WDR17: variants seen among roughly 807,000 people sequenced by gnomAD.
WDR17 encodes the protein WD repeat-containing protein 17.
In WDR17, 143 loss-of-function variants were observed where a neutral mutation model predicts 161.7. The observed-to-expected ratio is 0.88, with a 90% CI of 0.77 to 1.02. The LOEUF (loss-of-function observed/expected upper bound fraction) is 1.02. Ranked by LOEUF, WDR17 falls within the 50% of genes least tolerant of loss-of-function variation. The pLI, the probability that WDR17 is intolerant of heterozygous loss-of-function variation, is 0.00. For synonymous variants in WDR17, 517 were observed against 515.6 expected (o/e 1.00, Z -0.04); for missense variants, 1,469 against 1,520.9 (o/e 0.97, Z 0.57).
chr4:176,137,415 C>T, intron 8 of WDR17, 105 bp from the exon 9 acceptor site: 2 of 785,518 alleles, frequency 2.5e-6, no homozygotes, highest in East Asian at 2.9e-5. Flanking sequence ...AATTAAAGAA[C>T]TAGTCTGCAA....
At chr4:176,132,773 T>A (rs1483351970) in intron 7 of WDR17, among the ~76,000 whole-genome samples, 1 of 151,954 alleles carries the variant, frequency 6.6e-6, no homozygotes, top group Non-Finnish European at 1.5e-5. Context: ...TTTTGTATAC[T>A]TCAAATTACC....
intron 1 of WDR17, among the ~76,000 whole-genome samples, chr4:176,097,282 A>G (rs1737036323): frequency 6.6e-6 from 1 of 151,916 alleles, no homozygotes; most frequent in Non-Finnish European, 1.5e-5. Flanking sequence ...TATTTTATTA[A>G]TTAGTGGGAC....
chr4:176,149,259 T>A (rs1163474991), intron 13 of WDR17, among the ~76,000 whole-genome samples: 1 of 152,120 alleles, frequency 6.6e-6, no homozygotes, highest in Non-Finnish European at 1.5e-5. Flanking sequence ...TCTTTCTTTT[T>A]TTTATTATTA....
At chr4:176,125,044 T>C (rs1742231262) in intron 4 of WDR17, 60 bp from the exon 5 acceptor site, 3 of 1,571,038 alleles carry the variant, frequency 1.9e-6, no homozygotes, top group Non-Finnish European at 2.6e-6. Flanking sequence ...GTTAGCATCA[T>C]CTAAATTATT....
At chr4:176,135,367 A>G (rs1314302043) in intron 8 of WDR17, 91 bp downstream of exon 8, 2 of 1,401,314 alleles carry the variant, frequency 1.4e-6, no homozygotes, top group African/African-American at 1.4e-5. Flanking sequence ...TCTTGATCTC[A>G]TCTTGTTCTA....
At chr4:176,079,844 G>A (rs921487436) in intron 1 of WDR17, among the ~76,000 whole-genome samples, 3 of 152,004 alleles carry the variant, frequency 2.0e-5, no homozygotes, top group Non-Finnish European at 4.4e-5. Flanking sequence ...CACAAGGCGA[G>A]GGGGGGTGAG....
chr4:176,072,457 C>T (rs921471764), intron 1 of WDR17, among the ~76,000 whole-genome samples: 5 of 152,074 alleles, frequency 3.3e-5, no homozygotes, highest in East Asian at 1.9e-4. Context: ...AATTCTGATG[C>T]GAAATACTTG....
Position 176,119,870 on chromosome 4 carries a change from T to A in WDR17, c.311T>A (p.Ile104Asn), listed in dbSNP as rs1460396226. 1.2e-6 allele frequency: 2 copies of A among 1,613,778 alleles called. No individual in the cohort carries two copies. The highest frequency in any genetic ancestry group is 1.7e-6 in the Non-Finnish European group (2 of 1,179,668). ...VIAKLDSTKG[I>N]PASLSWCWNA... ...ATCTGTATTTAATGTATTCCAGGGA[T>A]CCCTGCTTCTCTTAGTTGGTGCTGG... Residue 104 changes from isoleucine to asparagine, a missense_variant, in exon 4 of 29, where the codon ATC becomes AAC. Transcript: ENST00000508596.
intron 26 of WDR17, among the ~76,000 whole-genome samples, chr4:176,175,072 A>G (rs1474153758): frequency 6.6e-6 from 1 of 152,064 alleles, no homozygotes; most frequent in African/African-American, 2.4e-5. Flanking sequence ...TGAGTATCCC[A>G]TGGTTAGAAG....
intron 8 of WDR17, among the ~76,000 whole-genome samples, chr4:176,137,227 T>C (rs1462394321): frequency 6.6e-6 from 1 of 151,596 alleles, no homozygotes; most frequent in East Asian, 1.9e-4. Flanking sequence ...AGATGCATAC[T>C]GAAGTTTTTA....
chr4:176,170,554 A>C (rs995459683), intron 23 of WDR17, among the ~76,000 whole-genome samples: 2 of 152,026 alleles, frequency 1.3e-5, no homozygotes, highest in Non-Finnish European at 2.9e-5. Context: ...ACCTCAGGTG[A>C]TCCACCCGCC....
Position 176,119,905 on chromosome 4 carries a change from G to A in WDR17, c.346G>A (p.Asp116Asn), listed in dbSNP as rs372005755. The change falls in exon 4 of 29, where the codon GAT (aspartate) becomes AAT (asparagine). Residue 116 changes from aspartate to asparagine, a missense_variant. Physicochemically the swap from Asp to Asn is conservative, Grantham distance 23. Coordinates refer to ENST00000508596, the MANE Select transcript of WDR17 (RefSeq NM_181265.4). ...ASLSWCWNAE[D>N]VVAFVSHRGP... ...TCTTAGTTGGTGCTGGAATGCAGAG[G>A]ATGTGGTGGCATTTGTTTCCCACAG... The A allele has an allele frequency of 9.9e-6, 16 of 1,614,142 alleles. No homozygotes were observed. Among genetic ancestry groups the A allele is most frequent in the Non-Finnish European group, 1.4e-5 (16 of 1,180,014 alleles).
At chr4:176,142,895 T>C (rs1482244347) in intron 11 of WDR17, among the ~76,000 whole-genome samples, 1 of 152,192 alleles carries the variant, frequency 6.6e-6, no homozygotes, top group Non-Finnish European at 1.5e-5. Context: ...GTGGGTTTTT[T>C]GAGGACGGAG....
rs869298899 is a variant in WDR17 at position 176,177,985 on chromosome 4, C to CAAAAAAAAAAAAAAAAA, written c.3732+361_3732+377dup. 1.5e-4 allele frequency among the ~76,000 whole-genome samples: 7 copies of CAAAAAAAAAAAAAAAAA among 46,298 alleles called. 1 individual carries two copies. Among genetic ancestry groups the CAAAAAAAAAAAAAAAAA allele is most frequent in the Admixed American group, 3.4e-4 (1 of 2,918 alleles). The allele number at this position is 46,298 out of a possible 152,430, so 30.4% of individuals were successfully genotyped here. On this transcript the variant is annotated intron_variant, in intron 28 of 28. Transcript: ENST00000508596. ...GGGCAACAAGAGTGAAACTCCGTCT[C>CAAAAAAAAAAAAAAAAA]AAAAAAAAAAAAAAAAAAAAAAAAA...
intron 2 of WDR17, among the ~76,000 whole-genome samples, chr4:176,113,287 A>G (rs891285568): frequency 1.3e-5 from 2 of 152,084 alleles, no homozygotes; most frequent in Non-Finnish European, 2.9e-5. Flanking sequence ...AAGCAAGTCA[A>G]ACTATTCTTC....
chr4:176,134,468 T>G (rs1304510302), intron 7 of WDR17, among the ~76,000 whole-genome samples: 1 of 151,746 alleles, frequency 6.6e-6, no homozygotes, highest in East Asian at 1.9e-4. Flanking sequence ...TACATGTATC[T>G]GCATATACCA....
intron 1 of WDR17, among the ~76,000 whole-genome samples, chr4:176,091,698 T>C (rs1736142551): frequency 2.0e-5 from 3 of 151,748 alleles, no homozygotes; most frequent in African/African-American, 7.3e-5. Context: ...GAAAAGTTGG[T>C]TTTCAGAAAA....
At chr4:176,133,378 TAAA>T (rs571544131) in intron 7 of WDR17, among the ~76,000 whole-genome samples, 1 of 72,972 alleles carries the variant, frequency 1.4e-5, no homozygotes, top group African/African-American at 4.4e-5. Flanking sequence ...TCTACTAAGC[TAAA>T]AAAAAAAAAA....
At chr4:176,080,015 A>G (rs1734537525) in intron 1 of WDR17, among the ~76,000 whole-genome samples, 1 of 152,036 alleles carries the variant, frequency 6.6e-6, no homozygotes, top group Non-Finnish European at 1.5e-5. Flanking sequence ...GATCTAATCA[A>G]TTTTAAAGGC....
Sources: gnomAD v4.1 joint callset for allele counts (sites outside exome capture counted in the v4.1 genomes callset) on GRCh38, gnomAD v4.1.1 for gene constraint, MANE v1.5 for transcripts, NCBI Gene and HGNC (gene_info 2026-07-23, HGNC 2026-07-21) for gene names.